LIPA: variants seen among roughly 807,000 people sequenced by gnomAD.
LIPA encodes the protein lipase A, lysosomal acid type.
LIPA carries 26 observed loss-of-function variants against 40.6 expected under a neutral mutation model. The observed-to-expected ratio is 0.64, with a 90% CI of 0.47 to 0.89. LIPA has a LOEUF of 0.89. LIPA is among the 40% of genes least tolerant of loss of function. LIPA has a pLI of 0.00. For missense variants in LIPA, 455 were observed against 479.6 expected, an observed-to-expected ratio of 0.95 and a Z score of 0.48; for synonymous variants, 188 against 168.4, an observed-to-expected ratio of 1.12 and a Z score of -0.90.
chr10:89,372,904 T>C (rs956191815), intron 2 of LIPA, among the ~76,000 whole-genome samples: 3 of 152,234 alleles, frequency 2.0e-5, no homozygotes, highest in Admixed American at 1.3e-4. Flanking sequence ...ACTTTTCCAA[T>C]AGACATTATA....
In LIPA at chr10:89,397,787, T is replaced by C. The variant is rs543623282; in HGVS notation, c.61+15004A>G. On this transcript the variant is annotated intron_variant, in intron 2 of 8. Transcript: ENST00000371837. ...ACTATACCAATTTACAAAAACACTT[T>C]GTATATTACAGATGAGAGTCTTCTC... 6.6e-5 allele frequency among the ~76,000 whole-genome samples: 10 copies of C among 152,364 alleles called. No individual in the cohort carries two copies. The East Asian group carries it at 1.9e-3, about 29-fold the overall frequency.
chr10:89,248,488 A>G (rs1286639587), intron 1 of LIPA, among the ~76,000 whole-genome samples: 2 of 117,012 alleles, frequency 1.7e-5, no homozygotes, highest in Non-Finnish European at 3.5e-5. Context: ...TTATTTATTT[A>G]TTTTGAGGCT....
At chr10:89,359,964 T>C (rs1302235781) in intron 2 of LIPA, among the ~76,000 whole-genome samples, 1 of 152,144 alleles carries the variant, frequency 6.6e-6, no homozygotes, top group Non-Finnish European at 1.5e-5. Flanking sequence ...ATTCTCACTA[T>C]AGTTCTATAA....
chr10:89,226,193 TGGCAATATAA>T (rs1842768367), intron 5 of LIPA, among the ~76,000 whole-genome samples: 1 of 152,168 alleles, frequency 6.6e-6, no homozygotes, highest in Non-Finnish European at 1.5e-5. Flanking sequence ...ATTTTTTTCC[TGGCAATATAA>T]CCACATGTTT....
At chr10:89,322,243 G>A (rs975752366) in intron 1 of LIPA, among the ~76,000 whole-genome samples, 1 of 152,048 alleles carries the variant, frequency 6.6e-6, no homozygotes, top group Non-Finnish European at 1.5e-5. Flanking sequence ...TTTCGAGCTC[G>A]GGGTTAAGAT....
At chr10:89,279,535 G>A (rs1235325473) in intron 1 of LIPA, among the ~76,000 whole-genome samples, 3 of 152,216 alleles carry the variant, frequency 2.0e-5, no homozygotes, top group Non-Finnish European at 2.9e-5. Flanking sequence ...TGTATTGGCA[G>A]GAGCCAAGTT....
At chr10:89,249,859 T>C (rs948408833) in intron 1 of LIPA, among the ~76,000 whole-genome samples, 5 of 152,340 alleles carry the variant, frequency 3.3e-5, no homozygotes, top group African/African-American at 1.2e-4. Context: ...CTTATACAAT[T>C]GTACAATTGA....
chr10:89,229,917 G>T (rs888683177), intron 3 of LIPA, among the ~76,000 whole-genome samples: 4 of 152,080 alleles, frequency 2.6e-5, no homozygotes, highest in African/African-American at 9.7e-5. Context: ...ACTCAATTTT[G>T]CTATGAACTT....
At chr10:89,406,422 C>T (rs982041778) in intron 2 of LIPA, 14 of 152,348 alleles carry the variant, frequency 9.2e-5, no homozygotes, top group African/African-American at 1.7e-4. Context: ...GCAACCCGCT[C>T]GGGTCCCCTT....
chr10:89,263,433 T>C (rs1364363989), intron 1 of LIPA, among the ~76,000 whole-genome samples: 1 of 152,256 alleles, frequency 6.6e-6, no homozygotes, highest in Non-Finnish European at 1.5e-5. Context: ...CTTGCATCTT[T>C]GGTTGGTTTT....
intron 1 of LIPA, chr10:89,339,968 A>G (rs966086337): frequency 2.5e-6 from 4 of 1,614,104 alleles, no homozygotes; most frequent in African/African-American, 1.3e-5. Flanking sequence ...GCCAAATGTT[A>G]TGAGAAGGAA....
intron 4 of LIPA, 40 bp downstream of exon 4, chr10:89,228,159 AC>A: frequency 6.5e-7 from 1 of 1,545,182 alleles, no homozygotes; most frequent in Non-Finnish European, 9.0e-7. Context: ...CTTTAAGAGT[AC>A]TAAGGAAATA....
chr10:89,331,394 A>G (rs1843648213), intron 1 of LIPA, among the ~76,000 whole-genome samples: 1 of 152,106 alleles, frequency 6.6e-6, no homozygotes, highest in Non-Finnish European at 1.5e-5. Flanking sequence ...GTTGGTCTTG[A>G]ACTCCTGACC....
chr10:89,225,991 A>G (rs1483577143), intron 5 of LIPA, among the ~76,000 whole-genome samples: 3 of 152,020 alleles, frequency 2.0e-5, no homozygotes, highest in African/African-American at 7.2e-5. Context: ...GAGTCCATTA[A>G]ACCTCTTTTT....
chr10:89,340,721 C>T (rs1843857486), intron 1 of LIPA: 1 of 152,158 alleles, frequency 6.6e-6, no homozygotes, highest in African/African-American at 2.4e-5. Flanking sequence ...CACAATATAA[C>T]CACCATTCCT....
intron 1 of LIPA, among the ~76,000 whole-genome samples, chr10:89,261,114 G>T (rs1335355329): frequency 2.0e-5 from 3 of 152,174 alleles, no homozygotes; most frequent in Non-Finnish European, 4.4e-5. Context: ...CTGGAGCTGA[G>T]GACACAGAAA....
At chr10:89,390,090 G>A (rs944617914) in intron 2 of LIPA, among the ~76,000 whole-genome samples, 67 of 148,024 alleles carry the variant, frequency 4.5e-4, no homozygotes, top group African/African-American at 1.6e-3. Context: ...GGGTTCAAGC[G>A]ATTCTCCTGC....
chr10:89,383,329 G>A (rs1213257873), intron 2 of LIPA: 3 of 1,611,682 alleles, frequency 1.9e-6, no homozygotes, highest in Non-Finnish European at 2.5e-6. Context: ...TGAAGAATCT[G>A]ATGGAAAGCT....
intron 3 of LIPA, among the ~76,000 whole-genome samples, chr10:89,233,452 T>C (rs1842866767): frequency 6.6e-6 from 1 of 152,232 alleles, no homozygotes; most frequent in Non-Finnish European, 1.5e-5. Context: ...TTAATGGAAA[T>C]CTGCTGTATC....
Sources: gnomAD v4.1 joint callset for allele counts (sites outside exome capture counted in the v4.1 genomes callset) on GRCh38, gnomAD v4.1.1 for gene constraint, MANE v1.5 for transcripts, NCBI Gene and HGNC (gene_info 2026-07-23, HGNC 2026-07-21) for gene names.